Variants in MCC observed in about 807,000 individuals in gnomAD.
MCC encodes the protein MCC regulator of Wnt signaling pathway, also known as colorectal mutant cancer protein.
MCC carries 90 observed loss-of-function variants against 116.2 expected under a neutral mutation model. That is an observed-to-expected ratio of 0.77 (90% CI 0.65 to 0.92). MCC has a LOEUF of 0.92. MCC is among the 40% of genes least tolerant of loss of function. The pLI is 0.00. For synonymous variants in MCC, 578 were observed against 510.5 expected (o/e 1.13, Z -1.78); for missense variants, 1,516 against 1,312.2 (o/e 1.16, Z -2.40).
At position 113,046,710 on chromosome 5, in the gene MCC, A is replaced by AAAAAAAAAAAAAAG; in HGVS notation, c.2655+2382_2655+2383insCTTTTTTTTTTTTT. ...CAAAAAAAAAAAAAAAAAAAAAAAA[A>AAAAAAAAAAAAAAG]AGAGAGAGATTTTGAAGGTGTTTGT... On this transcript the variant is annotated intron_variant, in intron 16 of 18. Coordinates refer to ENST00000408903, the MANE Select transcript of MCC (RefSeq NM_001085377.2). Among the ~76,000 whole-genome samples the AAAAAAAAAAAAAAG allele has an allele frequency of 7.8e-3, 797 of 102,406 alleles. 159 individuals carry two copies. Among genetic ancestry groups the AAAAAAAAAAAAAAG allele is most frequent in the South Asian group, 0.013 (37 of 2,846 alleles). The allele number at this position is 102,406 out of a possible 152,430, so 67.2% of individuals were successfully genotyped here. A position where few individuals can be genotyped will look rare whatever the true frequency, so the allele number is the denominator to read the frequency against.
At chr5:113,303,901 C>A (rs530604098) in intron 3 of MCC, among the ~76,000 whole-genome samples, 1 of 152,092 alleles carries the variant, frequency 6.6e-6, no homozygotes, top group Non-Finnish European at 1.5e-5. Context: ...GTGATCCACC[C>A]GCCTCGGCCT....
intron 3 of MCC, among the ~76,000 whole-genome samples, chr5:113,226,386 G>A (rs951057992): frequency 1.3e-5 from 2 of 152,224 alleles, no homozygotes; most frequent in Non-Finnish European, 2.9e-5. Context: ...TCAGATTTTA[G>A]TTTGCAGTCA....
chr5:113,318,872 T>A (rs1767350448), intron 3 of MCC, among the ~76,000 whole-genome samples: 1 of 152,206 alleles, frequency 6.6e-6, no homozygotes, highest in South Asian at 2.1e-4. Context: ...TATTTTATTT[T>A]AATTATTTTT....
intron 3 of MCC, among the ~76,000 whole-genome samples, chr5:113,287,071 C>G (rs894729538): frequency 6.6e-6 from 1 of 151,922 alleles, no homozygotes; most frequent in Non-Finnish European, 1.5e-5. Flanking sequence ...GGAATCCGGG[C>G]AGATATATGG....
chr5:113,096,565 T>G (rs536929849), intron 8 of MCC, among the ~76,000 whole-genome samples: 1 of 152,250 alleles, frequency 6.6e-6, no homozygotes, highest in South Asian at 2.1e-4. Context: ...CTGTTGAATA[T>G]CCACATGTTC....
chr5:113,111,618 T>G (rs1409300735), intron 6 of MCC, among the ~76,000 whole-genome samples: 4 of 152,226 alleles, frequency 2.6e-5, no homozygotes, highest in African/African-American at 9.6e-5. Context: ...GGGTCTCTAT[T>G]TAGAAATTCA....
intron 11 of MCC, among the ~76,000 whole-genome samples, chr5:113,076,104 T>C (rs968490474): frequency 2.0e-5 from 3 of 152,174 alleles, no homozygotes; most frequent in Admixed American, 6.5e-5. Flanking sequence ...GTCCACGGCT[T>C]CATTCTTGAA....
chr5:113,407,497 T>C (rs747157223), intron 1 of MCC, among the ~76,000 whole-genome samples: 7 of 152,228 alleles, frequency 4.6e-5, no homozygotes, highest in Non-Finnish European at 7.3e-5. Flanking sequence ...TCTGAGCAAG[T>C]GGTGAGCCAG....
intron 1 of MCC, among the ~76,000 whole-genome samples, chr5:113,412,627 C>G (rs1206219303): frequency 6.6e-6 from 1 of 152,168 alleles, no homozygotes; most frequent in Non-Finnish European, 1.5e-5. Flanking sequence ...ATTTTGTATA[C>G]TGAGACGTTG....
At chr5:113,399,968 C>T (rs1769635469) in intron 1 of MCC, 1 of 152,040 alleles carries the variant, frequency 6.6e-6, no homozygotes, top group South Asian at 2.1e-4. Flanking sequence ...TGACTAAAAG[C>T]CAACATTCAA....
intron 2 of MCC, among the ~76,000 whole-genome samples, chr5:113,354,439 C>T (rs1199278937): frequency 1.4e-4 from 21 of 146,094 alleles, no homozygotes; most frequent in African/African-American, 4.3e-4. Flanking sequence ...TTTCCTTTTT[C>T]TTTTTTTTTT....
At chr5:113,380,271 C>A (rs1769084782) in intron 2 of MCC, among the ~76,000 whole-genome samples, 1 of 152,180 alleles carries the variant, frequency 6.6e-6, no homozygotes, top group African/African-American at 2.4e-5. Flanking sequence ...CACAGGTAAC[C>A]ATTTCCTGAA....
At chr5:113,284,137 G>A (rs1473660530) in intron 3 of MCC, among the ~76,000 whole-genome samples, 1 of 152,172 alleles carries the variant, frequency 6.6e-6, no homozygotes, top group African/African-American at 2.4e-5. Flanking sequence ...TGTTTTTGAG[G>A]AGTCTAAAGT....
chr5:113,226,229 G>A (rs1763730965), intron 3 of MCC, among the ~76,000 whole-genome samples: 1 of 152,196 alleles, frequency 6.6e-6, no homozygotes, highest in South Asian at 2.1e-4. Context: ...AAACCTTTCT[G>A]GAGAGGAAAA....
chr5:113,053,621 G>T, intron 15 of MCC, 104 bp downstream of exon 15: 3 of 752,188 alleles, frequency 4.0e-6, no homozygotes, highest in Non-Finnish European at 6.7e-6. Flanking sequence ...CTCTTCTCTG[G>T]GCAGGAGGGG....
At chr5:113,090,322 A>G (rs1210038122) in intron 8 of MCC, among the ~76,000 whole-genome samples, 3 of 151,070 alleles carry the variant, frequency 2.0e-5, no homozygotes, top group Admixed American at 2.0e-4. Context: ...GGGGAATGTC[A>G]GAAATGAGAA....
chr5:113,414,227 AGAAG>A (rs1561559000), intron 1 of MCC, among the ~76,000 whole-genome samples: 1 of 152,188 alleles, frequency 6.6e-6, no homozygotes, highest in African/African-American at 2.4e-5. Flanking sequence ...TTTGGTGCTG[AGAAG>A]GATGTATATT....
chr5:113,261,548 C>T (rs1581333614), intron 3 of MCC, among the ~76,000 whole-genome samples: 1 of 152,120 alleles, frequency 6.6e-6, no homozygotes, highest in Admixed American at 6.5e-5. Flanking sequence ...GGTATTTATG[C>T]CTTTAGGAGA....
intron 3 of MCC, among the ~76,000 whole-genome samples, chr5:113,260,554 T>A (rs1393572502): frequency 6.6e-6 from 1 of 152,144 alleles, no homozygotes; most frequent in Non-Finnish European, 1.5e-5. Flanking sequence ...TTTCCCCAAA[T>A]TGAACAAATG....
Sources: gnomAD v4.1 joint callset for allele counts (sites outside exome capture counted in the v4.1 genomes callset) on GRCh38, gnomAD v4.1.1 for gene constraint, MANE v1.5 for transcripts, NCBI Gene and HGNC (gene_info 2026-07-23, HGNC 2026-07-21) for gene names.